Variants in LRFN2 observed in about 807,000 individuals in gnomAD.
The protein encoded by LRFN2 is leucine-rich repeat and fibronectin type-III domain-containing protein 2.
A neutral mutation model predicts 37.3 loss-of-function variants in LRFN2; 18 were observed. The observed-to-expected ratio is 0.48, with a 90% CI of 0.33 to 0.72. The LOEUF (loss-of-function observed/expected upper bound fraction) is 0.72, where lower values mean the gene tolerates loss of function less well. LRFN2 is among the 30% of genes least tolerant of loss of function. The probability of loss-of-function intolerance (pLI) is 0.02; values close to 1 mark genes in which losing one functional copy is unlikely to be tolerated. For missense variants in LRFN2, 1,006 were observed against 1,060.7 expected, an observed-to-expected ratio of 0.95 and a Z score of 0.72; for synonymous variants, 556 against 466.6, an observed-to-expected ratio of 1.19 and a Z score of -2.47.
chr6:40,560,843 T>A (rs546565156), intron 1 of LRFN2, among the ~76,000 whole-genome samples: 2 of 152,308 alleles, frequency 1.3e-5, no homozygotes, highest in African/African-American at 4.8e-5. Context: ...TCATGTAAAA[T>A]ATATGTCTTA....
chr6:40,537,325 G>A (rs1766467667), intron 1 of LRFN2, among the ~76,000 whole-genome samples: 1 of 152,178 alleles, frequency 6.6e-6, no homozygotes, highest in Non-Finnish European at 1.5e-5. Context: ...TGTTCTTCCA[G>A]TAGAAACATT....
chr6:40,499,661 G>A (rs575296970), intron 1 of LRFN2, among the ~76,000 whole-genome samples: 4 of 152,100 alleles, frequency 2.6e-5, no homozygotes, highest in South Asian at 2.1e-4. Context: ...AGTGTGGGCC[G>A]AGGGGAAAGT....
chr6:40,579,754 C>G (rs1767360890), intron 1 of LRFN2, among the ~76,000 whole-genome samples: 1 of 152,160 alleles, frequency 6.6e-6, no homozygotes, highest in East Asian at 1.9e-4. Context: ...GAGAAGAAGT[C>G]AAATGATCAG....
chr6:40,509,785 GT>G (rs1399718952), intron 1 of LRFN2, among the ~76,000 whole-genome samples: 5 of 151,104 alleles, frequency 3.3e-5, no homozygotes, highest in Non-Finnish European at 4.4e-5. Context: ...AGGCAGTGGG[GT>G]GGGGGTGCAT....
At chr6:40,558,859 C>A (rs539397687) in intron 1 of LRFN2, among the ~76,000 whole-genome samples, 5 of 152,310 alleles carry the variant, frequency 3.3e-5, no homozygotes, top group African/African-American at 1.2e-4. Flanking sequence ...CAAGATCACA[C>A]AACAATCAGA....
chr6:40,526,740 C>G (rs552961454), intron 1 of LRFN2, among the ~76,000 whole-genome samples: 4 of 152,332 alleles, frequency 2.6e-5, no homozygotes, highest in African/African-American at 7.2e-5. Context: ...TCCTGCATCT[C>G]TTGTCCCTGC....
rs530710504 is a variant in LRFN2, at chr6:40,445,206, G to A, written c.-18-12075C>T. Among the ~76,000 whole-genome samples, 8 of 152,344 alleles carry A rather than the reference G, an allele frequency of 5.3e-5. No individual in the cohort carries two copies. In the South Asian group the frequency reaches 1.7e-3, roughly 32 times the overall value. On this transcript the variant is annotated intron_variant, in intron 1 of 2. Coordinates refer to ENST00000338305, the MANE Select transcript of LRFN2 (RefSeq NM_020737.3). ...CCAAGGGAAGAGGGAAGTATCTACA[G>A]GGTGTCTGGTGTTTTACACGTTATT...
At chr6:40,525,409 G>A (rs1766224437) in intron 1 of LRFN2, among the ~76,000 whole-genome samples, 1 of 152,196 alleles carries the variant, frequency 6.6e-6, no homozygotes, top group Non-Finnish European at 1.5e-5. Flanking sequence ...CACCTGATGG[G>A]TGCCTGAAAT....
chr6:40,569,091 G>T (rs975862144), intron 1 of LRFN2, among the ~76,000 whole-genome samples: 7 of 152,222 alleles, frequency 4.6e-5, no homozygotes, highest in Non-Finnish European at 1.0e-4. Flanking sequence ...GGCAGCTCTG[G>T]GACCCACAGC....
intron 2 of LRFN2, among the ~76,000 whole-genome samples, chr6:40,422,190 G>T (rs1287972468): frequency 6.6e-6 from 1 of 152,182 alleles, no homozygotes; most frequent in African/African-American, 2.4e-5. Flanking sequence ...TTCTTCCAAT[G>T]TTAGATGAAG....
chr6:40,556,793 G>A (rs190749674), intron 1 of LRFN2, among the ~76,000 whole-genome samples: 5 of 148,034 alleles, frequency 3.4e-5, no homozygotes, highest in African/African-American at 1.3e-4. Context: ...CTTCTGGATG[G>A]CTGATTTCTT....
intron 1 of LRFN2, among the ~76,000 whole-genome samples, chr6:40,493,025 G>T (rs1000525279): frequency 2.6e-5 from 4 of 152,048 alleles, no homozygotes; most frequent in Non-Finnish European, 4.4e-5. Context: ...CTGAGGCACA[G>T]GAGCTCATTT....
At position 40,405,109 on chromosome 6, in the gene LRFN2, G is replaced by A. The variant is rs180985680; in HGVS notation, c.1401-12197C>T. ...CTCTGGTCCTTTGTTTCGATATTCTGGTTCCTGCTTTTCTGCCTCTCATGT... is the reference window on the plus strand; with the variant it reads ...CTCTGGTCCTTTGTTTCGATATTCTAGTTCCTGCTTTTCTGCCTCTCATGT... On this transcript the variant is annotated intron_variant, in intron 2 of 2. Coordinates refer to ENST00000338305, the MANE Select transcript of LRFN2 (RefSeq NM_020737.3). Among the ~76,000 whole-genome samples the A allele has an allele frequency of 1.2e-3, 184 of 152,248 alleles. 2 individuals are homozygous for A. The highest frequency in any genetic ancestry group is 2.1e-3 in the Non-Finnish European group (142 of 68,026).
intron 1 of LRFN2, among the ~76,000 whole-genome samples, chr6:40,440,367 C>A (rs985570577): frequency 2.0e-5 from 3 of 152,192 alleles, no homozygotes; most frequent in African/African-American, 7.2e-5. Flanking sequence ...TACCCTTGTG[C>A]ACCTGGGAAC....
chr6:40,435,024 T>C (rs1763610821), intron 1 of LRFN2, among the ~76,000 whole-genome samples: 1 of 67,730 alleles, frequency 1.5e-5, no homozygotes, highest in African/African-American at 6.6e-5. Flanking sequence ...CATATATATA[T>C]ATATATATAT....
At chr6:40,474,222 G>T (rs1324220835) in intron 1 of LRFN2, among the ~76,000 whole-genome samples, 4 of 152,168 alleles carry the variant, frequency 2.6e-5, no homozygotes, top group Non-Finnish European at 4.4e-5. Flanking sequence ...CCCTCTCATA[G>T]TCTGGAGGCC....
chr6:40,528,895 G>T lies in LRFN2; in HGVS notation c.-19+58046C>A, dbSNP rs540805917. 4.6e-5 allele frequency among the ~76,000 whole-genome samples: 7 copies of T among 152,248 alleles called. No homozygotes were observed. In the East Asian group the frequency reaches 1.4e-3, roughly 29 times the overall value. ...CCTTTTAGATTGGTTGCTCCAACTA[G>T]TCCCACTGCTAGCCCCATTCCTGCC... is the stretch of plus-strand genomic sequence containing the variant. On this transcript the variant is annotated intron_variant, in intron 1 of 2. Coordinates refer to ENST00000338305, the MANE Select transcript of LRFN2 (RefSeq NM_020737.3).
At chr6:40,403,887 T>G (rs570671512) in intron 2 of LRFN2, among the ~76,000 whole-genome samples, 52 of 152,314 alleles carry the variant, frequency 3.4e-4, no homozygotes, top group Non-Finnish European at 6.0e-4. Flanking sequence ...AATCTGCCCC[T>G]CACCTCTTGG....
intron 1 of LRFN2, among the ~76,000 whole-genome samples, chr6:40,564,502 G>C (rs1158361136): frequency 6.6e-6 from 1 of 152,058 alleles, no homozygotes; most frequent in East Asian, 1.9e-4. Flanking sequence ...GTGGGATCAA[G>C]GTGTCATCTA....
Sources: gnomAD v4.1 joint callset for allele counts (sites outside exome capture counted in the v4.1 genomes callset) on GRCh38, gnomAD v4.1.1 for gene constraint, MANE v1.5 for transcripts, NCBI Gene and HGNC (gene_info 2026-07-23, HGNC 2026-07-21) for gene names.